Variants in PIBF1 observed in about 807,000 individuals in gnomAD.
PIBF1 encodes the protein progesterone immunomodulatory binding factor 1, also known as progesterone-induced-blocking factor 1.
PIBF1 carries 90 observed loss-of-function variants against 112.5 expected under a neutral mutation model. The ratio of observed to expected loss-of-function variants is 0.80; its 90% CI spans 0.67 to 0.95. PIBF1 has a LOEUF of 0.95. Ranked by LOEUF, PIBF1 falls within the 40% of genes least tolerant of loss-of-function variation. PIBF1 has a pLI of 0.00. For synonymous variants in PIBF1, 301 were observed against 288.6 expected (o/e 1.04, Z -0.44); for missense variants, 915 against 852.3 (o/e 1.07, Z -0.92).
At chr13:72,902,328 G>A (rs1431034969) in intron 11 of PIBF1, among the ~76,000 whole-genome samples, 1 of 151,390 alleles carries the variant, frequency 6.6e-6, no homozygotes, top group Non-Finnish European at 1.5e-5. Flanking sequence ...ACAAATTACC[G>A]CTAAAGAACT....
chr13:72,827,634 TGTG>T (rs2036881266), intron 7 of PIBF1, 96 bp from the exon 8 acceptor site: 1 of 698,898 alleles, frequency 1.4e-6, no homozygotes, highest in Non-Finnish European at 2.2e-6. Context: ...AAAATTTTCA[TGTG>T]GTGAATGAAA....
intron 14 of PIBF1, among the ~76,000 whole-genome samples, chr13:72,963,028 A>G (rs935595033): frequency 6.6e-6 from 1 of 152,192 alleles, no homozygotes; most frequent in Non-Finnish European, 1.5e-5. Flanking sequence ...GGACCATTTC[A>G]TGGAGAAAAG....
intron 16 of PIBF1, among the ~76,000 whole-genome samples, chr13:72,990,802 C>A (rs957266583): frequency 4.1e-4 from 63 of 152,252 alleles, no homozygotes; most frequent in African/African-American, 1.4e-3. Flanking sequence ...GAGCCAAGAT[C>A]ATGCCACTGC....
chr13:72,784,296 ATTAG>A (rs2034473989), intron 2 of PIBF1, among the ~76,000 whole-genome samples: 1 of 150,238 alleles, frequency 6.7e-6, no homozygotes, highest in Non-Finnish European at 1.5e-5. Flanking sequence ...AAAAAAAAAA[ATTAG>A]CCAGCCATGA....
At chr13:72,918,383 ATTTTTTTTTTTT>A (rs60024983) in intron 13 of PIBF1, among the ~76,000 whole-genome samples, 1 of 102,962 alleles carries the variant, frequency 9.7e-6, no homozygotes, top group African/African-American at 4.1e-5. Context: ...GCAACTACCT[ATTTTTTTTTTTT>A]TTTTTTTTTG....
rs571319975 is a variant in PIBF1 at position 72,922,656 on chromosome 13, T to C, written c.1730+5490T>C. 7.1e-4 allele frequency among the ~76,000 whole-genome samples: 108 copies of C among 152,340 alleles called. 1 individual carries two copies. The highest frequency in any genetic ancestry group is 2.6e-3 in the African/African-American group (108 of 41,582). On this transcript the variant is annotated intron_variant, in intron 13 of 17. Transcript: ENST00000326291. ...CTTTAAGTTAAAACTTTCAGTTTAC[T>C]GAACTTCATAATAAAAAAAAATAAA...
intron 14 of PIBF1, among the ~76,000 whole-genome samples, chr13:72,957,998 G>A (rs1465823818): frequency 6.6e-6 from 1 of 151,828 alleles, no homozygotes; most frequent in Non-Finnish European, 1.5e-5. Context: ...GCCAGTTGTT[G>A]TGGCATGCAC....
rs117505409 is a variant in PIBF1 at position 72,851,328 on chromosome 13, G to C, written c.1224-2729G>C. ...TCAGAAATGCCTGTTCCCGCTGCCT[G>C]ACCTCTCCCTACTCCCAGCACCCAC... On this transcript the variant is annotated intron_variant, in intron 9 of 17. Transcript: ENST00000326291. Among the ~76,000 whole-genome samples the C allele has an allele frequency of 8.7e-3, 1,325 of 152,354 alleles. 67 individuals are homozygous for C. Among genetic ancestry groups the C allele is most frequent in the East Asian group, 9.3e-3 (48 of 5,178 alleles).
At chr13:72,968,421 C>T (rs924545985) in intron 15 of PIBF1, among the ~76,000 whole-genome samples, 1 of 151,584 alleles carries the variant, frequency 6.6e-6, no homozygotes, top group African/African-American at 2.4e-5. Context: ...CTGTCTCAGC[C>T]TCCCGAGTAG....
At chr13:72,871,146 T>G (rs1198270830) in intron 10 of PIBF1, among the ~76,000 whole-genome samples, 6 of 152,168 alleles carry the variant, frequency 3.9e-5, no homozygotes, top group Non-Finnish European at 8.8e-5. Flanking sequence ...AAATACAACT[T>G]GGACGTGATG....
chr13:72,986,836 G>C (rs927742248), intron 16 of PIBF1, among the ~76,000 whole-genome samples: 1 of 151,978 alleles, frequency 6.6e-6, no homozygotes, highest in Non-Finnish European at 1.5e-5. Flanking sequence ...GACTACAGGC[G>C]CCCGCCACCG....
intron 11 of PIBF1, among the ~76,000 whole-genome samples, chr13:72,902,029 C>CGTGTGTGTGTGTGTGTGTGTGTGT (rs1566426406): frequency 3.9e-5 from 1 of 25,868 alleles, no homozygotes; most frequent in Non-Finnish European, 7.3e-5. Flanking sequence ...TGTGTATACA[C>CGTGTGTGTGTGTGTGTGTGTGTGT]ACACATGATG....
intron 8 of PIBF1, among the ~76,000 whole-genome samples, chr13:72,833,932 C>T (rs1261567678): frequency 6.6e-6 from 1 of 152,130 alleles, no homozygotes; most frequent in Non-Finnish European, 1.5e-5. Context: ...ATATTACTTT[C>T]TAGTTGGTTT....
At position 72,792,543 on chromosome 13, in the gene PIBF1, GC is replaced by G; in HGVS notation, c.351del (p.Ser118AlafsTer6). 6.7e-7 allele frequency: 1 copy of G among 1,498,792 alleles called. No homozygotes were observed. Among genetic ancestry groups the G allele is most frequent in the East Asian group, 2.4e-5 (1 of 41,508 alleles). 92.8% of individuals were successfully genotyped at this position (1,498,792 alleles called of 1,614,324 possible). A position where few individuals can be genotyped will look rare whatever the true frequency, so the allele number is the denominator to read the frequency against. On this transcript the variant is annotated frameshift_variant, in exon 3 of 18. Transcript: ENST00000326291. LOFTEE classifies it high-confidence loss of function. The stretch of plus-strand genomic sequence containing the variant: ...CCAATTGGCTTTTCAACAGAAAGAT[GC>G]CAGGTAAGAAAAGTTTTTTTTAAAA... ...DNQLAFQQKDASKYQELMKQE... is the reference protein window; with the variant it reads ...DNQLAFQQKDXSKYQELMKQE...
intron 10 of PIBF1, among the ~76,000 whole-genome samples, chr13:72,857,935 A>G (rs1320357925): frequency 6.6e-6 from 1 of 152,204 alleles, no homozygotes; most frequent in African/African-American, 2.4e-5. Context: ...ATGGAAAAAC[A>G]GGCAATCTTA....
intron 14 of PIBF1, among the ~76,000 whole-genome samples, chr13:72,950,455 T>C (rs566860580): frequency 2.4e-4 from 36 of 152,214 alleles, no homozygotes; most frequent in Non-Finnish European, 4.6e-4. Context: ...GGAACTGCAA[T>C]AAATAGCAAG....
intron 14 of PIBF1, among the ~76,000 whole-genome samples, chr13:72,935,264 G>A (rs530920119): frequency 2.6e-5 from 4 of 152,230 alleles, no homozygotes; most frequent in African/African-American, 7.2e-5. Context: ...GATTACAGGC[G>A]TGAGCAAGCC....
At chr13:72,824,670 G>A (rs1345151587) in intron 6 of PIBF1, among the ~76,000 whole-genome samples, 3 of 151,998 alleles carry the variant, frequency 2.0e-5, no homozygotes, top group Non-Finnish European at 4.4e-5. Flanking sequence ...AATCATCATT[G>A]GAATATAAAA....
chr13:72,944,112 G>T (rs2138827609), intron 14 of PIBF1, among the ~76,000 whole-genome samples: 1 of 152,184 alleles, frequency 6.6e-6, no homozygotes, highest in South Asian at 2.1e-4. Context: ...GGAAATAATA[G>T]GTCCAGAATT....
Sources: gnomAD v4.1 joint callset for allele counts (sites outside exome capture counted in the v4.1 genomes callset) on GRCh38, gnomAD v4.1.1 for gene constraint, MANE v1.5 for transcripts, NCBI Gene and HGNC (gene_info 2026-07-23, HGNC 2026-07-21) for gene names.